PATL2: variants seen among roughly 807,000 people sequenced by gnomAD.
PATL2 encodes PAT1 homolog 2.
PATL2 carries 73 observed loss-of-function variants against 77.0 expected under a neutral mutation model. The ratio of observed to expected loss-of-function variants is 0.95; its 90% CI spans 0.78 to 1.15. The LOEUF (loss-of-function observed/expected upper bound fraction) is 1.15, where lower values mean the gene tolerates loss of function less well. Ranked by LOEUF, PATL2 falls within the 50% of genes most tolerant of loss-of-function variation. PATL2 has a pLI of 0.00. For synonymous variants in PATL2, 265 were observed against 257.1 expected, an observed-to-expected ratio of 1.03 and a Z score of -0.29; for missense variants, 618 against 655.4, an observed-to-expected ratio of 0.94 and a Z score of 0.62.
chr15:44,696,521 A>C (rs1378748137), intron 3 of PATL2, among the ~76,000 whole-genome samples: 1 of 152,154 alleles, frequency 6.6e-6, no homozygotes, highest in Non-Finnish European at 1.5e-5. Context: ...CCCAGTAAAA[A>C]CAAATTTGGC....
intron 3 of PATL2, among the ~76,000 whole-genome samples, chr15:44,691,880 G>T (rs1014473589): frequency 2.6e-5 from 4 of 151,876 alleles, no homozygotes; most frequent in Admixed American, 1.3e-4. Flanking sequence ...AGAGTGTGGG[G>T]AGATAAATAT....
At chr15:44,702,237 T>C (rs1456216603) in intron 3 of PATL2, among the ~76,000 whole-genome samples, 1 of 152,090 alleles carries the variant, frequency 6.6e-6, no homozygotes, top group African/African-American at 2.4e-5. Flanking sequence ...TGTCTAGGAA[T>C]GTATCCATTT....
chr15:44,672,920 T>C (rs1169078995), intron 7 of PATL2, among the ~76,000 whole-genome samples: 1 of 152,072 alleles, frequency 6.6e-6, no homozygotes, highest in Non-Finnish European at 1.5e-5. Flanking sequence ...CCACCACGCC[T>C]AGCTAATTTT....
chr15:44,693,471 C>G (rs1265221985), intron 3 of PATL2, among the ~76,000 whole-genome samples: 2 of 152,184 alleles, frequency 1.3e-5, no homozygotes, highest in Admixed American at 1.3e-4. Flanking sequence ...ACATCTCCCT[C>G]TGACTACCAT....
At chr15:44,676,216 C>T in intron 4 of PATL2, 1 of 506,706 alleles carries the variant, frequency 2.0e-6, no homozygotes, top group South Asian at 2.0e-5. Flanking sequence ...TACTGTGTGC[C>T]ATATACTTTA....
At chr15:44,667,825 C>T (rs537603946) in intron 15 of PATL2, among the ~76,000 whole-genome samples, 1 of 152,122 alleles carries the variant, frequency 6.6e-6, no homozygotes, top group South Asian at 2.1e-4. Context: ...CACTTGTAAT[C>T]CCAGCTACTT....
chr15:44,671,906 C>A (rs1056571153), intron 9 of PATL2, 109 bp downstream of exon 9: 2 of 1,361,678 alleles, frequency 1.5e-6, no homozygotes, highest in African/African-American at 2.9e-5. Context: ...CTCTCTCCCA[C>A]CTGAACAGAC....
intron 3 of PATL2, among the ~76,000 whole-genome samples, chr15:44,685,375 A>G (rs139957021): frequency 0.014 from 2,136 of 152,282 alleles, 57 homozygotes; most frequent in African/African-American, 0.048. Flanking sequence ...TTGGGAGGCC[A>G]AGGCGGGTGG....
chr15:44,680,114 C>T (rs2086100818), intron 3 of PATL2, among the ~76,000 whole-genome samples: 1 of 152,210 alleles, frequency 6.6e-6, no homozygotes, highest in Non-Finnish European at 1.5e-5. Flanking sequence ...TTGCTAGTTC[C>T]AGGGTGCTTC....
Position 44,673,386 on chromosome 15 carries a change from G to C in PATL2, c.304-9C>G, listed in dbSNP as rs1162198673. On this transcript the variant is annotated splice_polypyrimidine_tract_variant and intron_variant, in intron 6 of 17. Transcript: ENST00000682850. ...GACAGGTAGTCCAAGGTCTGAGAGA[G>C]GAATTAAGAGGTCTGGGAGAACGCC... The C allele has an allele frequency of 2.6e-6, 4 of 1,551,540 alleles. No homozygotes were observed. Among genetic ancestry groups the C allele is most frequent in the South Asian group, 2.4e-5 (2 of 84,050 alleles).
At chr15:44,674,329 C>A in intron 5 of PATL2, 99 bp from the exon 6 acceptor site, 3 of 919,120 alleles carry the variant, frequency 3.3e-6, no homozygotes, top group South Asian at 1.7e-5. Context: ...GCAGCAAGAC[C>A]AGGTGTTCCA....
intron 3 of PATL2, among the ~76,000 whole-genome samples, chr15:44,707,873 C>T (rs1034958208): frequency 6.6e-6 from 1 of 152,186 alleles, no homozygotes; most frequent in Admixed American, 6.5e-5. Flanking sequence ...CACTTCAGCC[C>T]ATGGTGGGGA....
At chr15:44,690,822 C>T (rs1245258668) in intron 3 of PATL2, among the ~76,000 whole-genome samples, 1 of 152,006 alleles carries the variant, frequency 6.6e-6, no homozygotes, top group Non-Finnish European at 1.5e-5. Context: ...AATCAGTAAC[C>T]ATGTCAAAAT....
intron 3 of PATL2, among the ~76,000 whole-genome samples, chr15:44,693,963 A>G (rs2086451094): frequency 6.6e-6 from 1 of 152,108 alleles, no homozygotes; most frequent in South Asian, 2.1e-4. Flanking sequence ...TCATCCTCCC[A>G]TGGTGCTGGG....
intron 3 of PATL2, among the ~76,000 whole-genome samples, chr15:44,708,311 G>A (rs546240625): frequency 1.2e-4 from 18 of 152,254 alleles, no homozygotes; most frequent in Middle Eastern, 3.4e-3. Context: ...CAGCCATCTT[G>A]CTCCACCTCC....
intron 3 of PATL2, among the ~76,000 whole-genome samples, chr15:44,687,744 A>G (rs1187807759): frequency 2.0e-5 from 3 of 152,216 alleles, no homozygotes; most frequent in Non-Finnish European, 4.4e-5. Flanking sequence ...AATCACAAGC[A>G]TTCCTATACA....
At chr15:44,696,221 C>T (rs1452415278) in intron 3 of PATL2, among the ~76,000 whole-genome samples, 1 of 152,162 alleles carries the variant, frequency 6.6e-6, no homozygotes, top group Non-Finnish European at 1.5e-5. Context: ...GGAAGCTGTG[C>T]CAGTAATTTA....
At chr15:44,674,081 T>C in intron 6 of PATL2, 69 bp downstream of exon 6, 1 of 1,417,718 alleles carries the variant, frequency 7.1e-7, no homozygotes, top group South Asian at 1.3e-5. Flanking sequence ...CAGACCAGGG[T>C]TGGGGGTAGA....
At position 44,669,327 on chromosome 15, in the gene PATL2, A is replaced by G. The variant is rs1199432332; in HGVS notation, c.1017T>C (p.Val339=). Reference sequence around the variant, plus strand: ...TCTTTAAGGTCTGGAAGAGCTTCTCAACCTGGTTGCTTTGCTGCTCAGAAA... The same window carrying G: ...TCTTTAAGGTCTGGAAGAGCTTCTCGACCTGGTTGCTTTGCTGCTCAGAAA... ...PCFSEQQSNQ[V]EKLFQTLKTQ... is the part of the protein sequence containing the mutation. Residue 339 remains valine, a synonymous_variant, in exon 13 of 18, where the codon GTT becomes GTC. Coordinates refer to ENST00000682850, the MANE Select transcript of PATL2 (RefSeq NM_001387263.1). 7 of 1,551,488 alleles carry G rather than the reference A, an allele frequency of 4.5e-6. No homozygotes were observed. Among genetic ancestry groups the G allele is most frequent in the Non-Finnish European group, 6.1e-6 (7 of 1,146,930 alleles).
Sources: allele counts gnomAD v4.1 joint callset (sites outside exome capture counted in the v4.1 genomes callset), GRCh38; gene constraint gnomAD v4.1.1; transcripts MANE v1.5; gene names NCBI Gene and HGNC (gene_info 2026-07-23, HGNC 2026-07-21).